The following KAT6A variants were observed in gnomAD, a reference collection of about 807,000 sequenced individuals.
The protein encoded by KAT6A is lysine acetyltransferase 6A.
Under a neutral mutation model 198.4 loss-of-function variants are expected in KAT6A, and 9 were observed. The ratio of observed to expected loss-of-function variants is 0.05; its 90% CI spans 0.03 to 0.08. The LOEUF is 0.08. Among genes scored for constraint, KAT6A ranks in the 10% least tolerant of loss-of-function variants. The pLI is 1.00. For synonymous variants in KAT6A, 890 were observed against 883.0 expected, an observed-to-expected ratio of 1.01 and a Z score of -0.14; for missense variants, 2,077 against 2,509.9, an observed-to-expected ratio of 0.83 and a Z score of 3.69.
intron 2 of KAT6A, among the ~76,000 whole-genome samples, chr8:42,033,405 T>C (rs1827223378): frequency 1.3e-5 from 2 of 152,148 alleles, no homozygotes; most frequent in Admixed American, 6.5e-5. Flanking sequence ...CAGAAGCATA[T>C]AAAATGCAAT....
At chr8:41,947,945 G>C in intron 10 of KAT6A, 33 bp from the exon 11 acceptor site, 1 of 1,525,562 alleles carries the variant, frequency 6.6e-7, no homozygotes, top group South Asian at 1.2e-5. Flanking sequence ...ACAGTCAGTA[G>C]AGGGTCTCTT....
intron 15 of KAT6A, among the ~76,000 whole-genome samples, chr8:41,939,803 C>T (rs35909219): frequency 0.24 from 36,826 of 151,948 alleles, 5,101 homozygotes; most frequent in Middle Eastern, 0.42. Context: ...GATCCTGGAA[C>T]AGAAAAAGGA....
intron 8 of KAT6A, among the ~76,000 whole-genome samples, chr8:41,969,052 A>C (rs1263893993): frequency 3.3e-5 from 5 of 152,208 alleles, no homozygotes; most frequent in Non-Finnish European, 7.3e-5. Context: ...GCTCTAAGAG[A>C]ACAGAAACTA....
chr8:42,049,893 A>G (rs1802513605), intron 1 of KAT6A, among the ~76,000 whole-genome samples: 1 of 152,252 alleles, frequency 6.6e-6, no homozygotes, highest in Non-Finnish European at 1.5e-5. Context: ...CCTAATGGAA[A>G]CAAAAATACT....
At chr8:42,043,816 A>C (rs1450853198) in intron 2 of KAT6A, among the ~76,000 whole-genome samples, 3 of 152,096 alleles carry the variant, frequency 2.0e-5, no homozygotes, top group African/African-American at 4.8e-5. Flanking sequence ...TCTGCCACCT[A>C]ATATTTGTGT....
At position 41,941,325 on chromosome 8, in the gene KAT6A, A is replaced by G. The variant is rs1304940670; in HGVS notation, c.2556T>C (p.Pro852=). The change falls in exon 15 of 17, where the codon CCT becomes CCC. Residue 852 remains proline, a synonymous_variant. Transcript: ENST00000265713. ...GGCTATTTGCAGGAAGACTATCATG[A>G]GGAAGGACTTGTTTGCTCAAACGTG... ...SSTRLSKQVL[P]HDSLPANSQP... The G allele has an allele frequency of 6.2e-7, 1 of 1,613,528 alleles. No homozygotes were observed. The highest frequency in any genetic ancestry group is 8.5e-7 in the Non-Finnish European group (1 of 1,179,976).
intron 16 of KAT6A, among the ~76,000 whole-genome samples, chr8:41,936,186 C>T (rs547518139): frequency 2.0e-5 from 3 of 152,214 alleles, no homozygotes; most frequent in South Asian, 2.1e-4. Flanking sequence ...CGCTTGAACC[C>T]GGAGGTGGAG....
At position 41,935,559 on chromosome 8, in the gene KAT6A, T is replaced by TA. The variant is rs1821806734; in HGVS notation, c.3353-693dup. 3.9e-5 allele frequency among the ~76,000 whole-genome samples: 6 copies of TA among 152,326 alleles called. No homozygotes were observed. In the South Asian group the frequency reaches 1.0e-3, roughly 26 times the overall value. On this transcript the variant is annotated intron_variant, in intron 16 of 16. Transcript: ENST00000265713. ...AATAAATTTTATATTATTAGCATTT[T>TA]AAAAAAACTATGGTAAACTATACGT...
At chr8:41,961,101 C>T (rs1320384459) in intron 8 of KAT6A, among the ~76,000 whole-genome samples, 1 of 152,206 alleles carries the variant, frequency 6.6e-6, no homozygotes, top group Non-Finnish European at 1.5e-5. Flanking sequence ...CAACTGCACC[C>T]TTTCTCCTCT....
intron 12 of KAT6A, among the ~76,000 whole-genome samples, chr8:41,945,477 G>A (rs1473704502): frequency 6.6e-6 from 1 of 151,664 alleles, no homozygotes; most frequent in Non-Finnish European, 1.5e-5. Context: ...TCACCATGTT[G>A]GGCAGGCTGG....
At chr8:42,028,036 T>C in intron 2 of KAT6A, among the ~76,000 whole-genome samples, 1 of 152,232 alleles carries the variant, frequency 6.6e-6, no homozygotes, top group South Asian at 2.1e-4. Flanking sequence ...GCTGTTTAAT[T>C]TCCTTGTATT....
intron 2 of KAT6A, among the ~76,000 whole-genome samples, chr8:42,008,484 T>A (rs1327683481): frequency 6.6e-6 from 1 of 152,092 alleles, no homozygotes; most frequent in Non-Finnish European, 1.5e-5. Context: ...ATTACAGGCG[T>A]GCACCACCAC....
At chr8:41,989,725 C>G (rs1475300956) in intron 2 of KAT6A, among the ~76,000 whole-genome samples, 1 of 152,118 alleles carries the variant, frequency 6.6e-6, no homozygotes, top group African/African-American at 2.4e-5. Flanking sequence ...TTAAAGCCAT[C>G]AGAATTGATG....
At chr8:42,002,758 C>A (rs1825558688) in intron 2 of KAT6A, among the ~76,000 whole-genome samples, 1 of 152,144 alleles carries the variant, frequency 6.6e-6, no homozygotes, top group African/African-American at 2.4e-5. Context: ...TTTGACCAAT[C>A]CCATATTGAT....
chr8:42,004,220 C>A (rs927011958), intron 2 of KAT6A, among the ~76,000 whole-genome samples: 13 of 152,116 alleles, frequency 8.5e-5, no homozygotes, highest in Non-Finnish European at 1.5e-4. Flanking sequence ...CATTACAATA[C>A]AGGATAGCAT....
At chr8:42,023,628 T>C (rs935385530) in intron 2 of KAT6A, among the ~76,000 whole-genome samples, 17 of 151,776 alleles carry the variant, frequency 1.1e-4, no homozygotes, top group African/African-American at 3.9e-4. Flanking sequence ...GCTGGGACTA[T>C]AGGCGCGCGC....
chr8:42,049,111 C>T lies in KAT6A; in HGVS notation c.-134G>A, dbSNP rs1423034437. The T allele has an allele frequency of 2.3e-6, 2 of 884,830 alleles. No homozygotes were observed. The highest frequency in any genetic ancestry group is 3.5e-6 in the Non-Finnish European group (2 of 578,056). 54.8% of individuals were successfully genotyped at this position (884,830 alleles called of 1,614,324 possible). Reference sequence around the variant, plus strand: ...AGCATATGAGTTTTCTGGCCTAAGTCCTTCCTCCTTTCACAAAACAGAATG... The same window carrying T: ...AGCATATGAGTTTTCTGGCCTAAGTTCTTCCTCCTTTCACAAAACAGAATG... On this transcript the variant is annotated 5_prime_UTR_variant, in exon 2 of 17. Transcript: ENST00000265713.
chr8:41,960,571 TA>T (rs1823159311), intron 8 of KAT6A, among the ~76,000 whole-genome samples: 1 of 151,996 alleles, frequency 6.6e-6, no homozygotes, highest in Non-Finnish European at 1.5e-5. Context: ...TTACCACAAT[TA>T]TTTTTTTTCA....
chr8:42,005,130 G>T (rs1230062119), intron 2 of KAT6A, among the ~76,000 whole-genome samples: 1 of 152,012 alleles, frequency 6.6e-6, no homozygotes, highest in Non-Finnish European at 1.5e-5. Context: ...AGGAACATTT[G>T]AATTGTTTCC....
Sources: gnomAD v4.1 joint callset for allele counts (sites outside exome capture counted in the v4.1 genomes callset) on GRCh38, gnomAD v4.1.1 for gene constraint, MANE v1.5 for transcripts, NCBI Gene and HGNC (gene_info 2026-07-23, HGNC 2026-07-21) for gene names.